The following MAST4 variants were observed in gnomAD, a reference collection of about 807,000 sequenced individuals.
The protein encoded by MAST4 is microtubule-associated serine/threonine-protein kinase 4.
A neutral mutation model predicts 162.7 loss-of-function variants in MAST4; 89 were observed. The ratio of observed to expected loss-of-function variants is 0.55; its 90% CI spans 0.46 to 0.65. The LOEUF is 0.65. Among genes scored for constraint, MAST4 ranks in the 30% least tolerant of loss-of-function variants. MAST4 has a pLI of 0.00. For synonymous variants in MAST4, 1,479 were observed against 1,361.1 expected, an observed-to-expected ratio of 1.09 and a Z score of -1.91; for missense variants, 3,153 against 3,374.0, an observed-to-expected ratio of 0.93 and a Z score of 1.62.
intron 4 of MAST4, among the ~76,000 whole-genome samples, chr5:66,993,921 C>CA (rs1750319958): frequency 1.3e-3 from 2 of 1,544 alleles, no homozygotes; most frequent in African/African-American, 1.7e-3. Flanking sequence ...GTGCAGAAGA[C>CA]CCCCCCCCCC....
In MAST4 at chr5:66,596,724, TC is replaced by T; in HGVS notation, c.71del (p.Pro24GlnfsTer126). On this transcript the variant is annotated frameshift_variant, in exon 1 of 29. Coordinates refer to ENST00000403625, the MANE Select transcript of MAST4 (RefSeq NM_001164664.2). LOFTEE classifies it high-confidence loss of function. The part of the protein sequence containing the change: ...RGCSGHGSRT[P>X]ASALVAASSP... ...GCTGCAGTGGCCACGGCAGCCGGAC[TC>T]CAGCCTCTGCGCTGGTCGCCGCGTC... 7.0e-7 allele frequency: 1 copy of T among 1,432,750 alleles called. No individual in the cohort carries two copies. The highest frequency in any genetic ancestry group is 9.1e-7 in the Non-Finnish European group (1 of 1,093,818). 88.8% of individuals were successfully genotyped at this position (1,432,750 alleles called of 1,614,324 possible).
chr5:66,943,350 T>C (rs1743584506), intron 4 of MAST4, among the ~76,000 whole-genome samples: 1 of 152,226 alleles, frequency 6.6e-6, no homozygotes, highest in African/African-American at 2.4e-5. Flanking sequence ...CTAGCAAAAA[T>C]GCATGTTCTC....
At chr5:66,652,066 G>T (rs1746259689) in intron 1 of MAST4, among the ~76,000 whole-genome samples, 1 of 152,216 alleles carries the variant, frequency 6.6e-6, no homozygotes, top group African/African-American at 2.4e-5. Context: ...AATCTGAGGA[G>T]GTGGTGATTA....
In MAST4 at chr5:67,014,874, T is replaced by C. The variant is rs141253941; in HGVS notation, c.675-39530T>C. ...GAGGAAGCTCTTTAATCAAGAGCAA[T>C]TGTGGTTTTTCTTACCTTTTGAGAT... On this transcript the variant is annotated intron_variant, in intron 4 of 28. Coordinates refer to ENST00000403625, the MANE Select transcript of MAST4 (RefSeq NM_001164664.2). Among the ~76,000 whole-genome samples, 212 of 152,356 alleles carry C rather than the reference T, an allele frequency of 1.4e-3. 5 individuals carry two copies. The highest frequency in any genetic ancestry group is 5.0e-3 in the African/African-American group (206 of 41,592).
At chr5:66,605,237 CAAG>C (rs1436729118) in intron 1 of MAST4, among the ~76,000 whole-genome samples, 1 of 152,032 alleles carries the variant, frequency 6.6e-6, no homozygotes, top group Non-Finnish European at 1.5e-5. Context: ...TAGATGCAGC[CAAG>C]AAGAGGAGGG....
At chr5:66,833,407 C>T (rs577503739) in intron 3 of MAST4, among the ~76,000 whole-genome samples, 191 of 152,310 alleles carry the variant, frequency 1.3e-3, no homozygotes, top group African/African-American at 4.3e-3. Flanking sequence ...ATCTCCTATT[C>T]ATCCTGCTTT....
chr5:67,050,672 A>G (rs1758063399), intron 4 of MAST4, among the ~76,000 whole-genome samples: 1 of 152,160 alleles, frequency 6.6e-6, no homozygotes, highest in Non-Finnish European at 1.5e-5. Context: ...TGTTTATGCC[A>G]TTGTCTCAAG....
chr5:66,893,242 T>G (rs1452040218), intron 3 of MAST4, among the ~76,000 whole-genome samples: 1 of 152,144 alleles, frequency 6.6e-6, no homozygotes, highest in East Asian at 1.9e-4. Context: ...GTCTTGCTCT[T>G]TAGCCCAGGC....
At chr5:66,716,990 A>G (rs1750882721) in intron 1 of MAST4, among the ~76,000 whole-genome samples, 1 of 152,180 alleles carries the variant, frequency 6.6e-6, no homozygotes, top group African/African-American at 2.4e-5. Flanking sequence ...TTCTCCCTCA[A>G]GGAGCTCATT....
At chr5:66,798,253 A>G (rs1755749499) in intron 3 of MAST4, among the ~76,000 whole-genome samples, 1 of 152,184 alleles carries the variant, frequency 6.6e-6, no homozygotes, top group Non-Finnish European at 1.5e-5. Context: ...GTAATGTCCA[A>G]TTTAGTTACT....
intron 3 of MAST4, among the ~76,000 whole-genome samples, chr5:66,803,340 G>A (rs1756015146): frequency 1.3e-5 from 2 of 152,114 alleles, no homozygotes; most frequent in Admixed American, 6.5e-5. Flanking sequence ...CTCATGCCAT[G>A]GTTGTTCTTC....
intron 2 of MAST4, among the ~76,000 whole-genome samples, chr5:66,784,496 C>T (rs1755020583): frequency 1.3e-5 from 2 of 152,030 alleles, no homozygotes; most frequent in Non-Finnish European, 2.9e-5. Context: ...CCTGTTATTC[C>T]CTGCTGGTAA....
At chr5:67,019,817 G>A (rs530824275) in intron 4 of MAST4, among the ~76,000 whole-genome samples, 4 of 152,216 alleles carry the variant, frequency 2.6e-5, no homozygotes, top group Non-Finnish European at 4.4e-5. Context: ...ATATAGAGTC[G>A]TATGTTGAAA....
chr5:66,738,486 G>T (rs1752280077), intron 1 of MAST4, among the ~76,000 whole-genome samples: 1 of 152,166 alleles, frequency 6.6e-6, no homozygotes, highest in Non-Finnish European at 1.5e-5. Flanking sequence ...CCCTCTTCTA[G>T]CCTCTGGGGA....
intron 2 of MAST4, among the ~76,000 whole-genome samples, chr5:66,772,231 C>T (rs1561320198): frequency 6.6e-6 from 1 of 152,096 alleles, no homozygotes; most frequent in Non-Finnish European, 1.5e-5. Context: ...GGTACCATTT[C>T]ACACAACACT....
At chr5:66,959,992 T>C (rs927028040) in intron 4 of MAST4, among the ~76,000 whole-genome samples, 7 of 152,212 alleles carry the variant, frequency 4.6e-5, no homozygotes, top group African/African-American at 1.7e-4. Context: ...AAATTTTTAT[T>C]TTAAATCTGT....
At chr5:67,054,302 G>A (rs1758536078) in intron 4 of MAST4, 102 bp from the exon 5 acceptor site, 4 of 811,584 alleles carry the variant, frequency 4.9e-6, no homozygotes, top group Admixed American at 3.0e-5. Context: ...AATAACATGA[G>A]CAGATAGGTT....
chr5:67,078,924 A>AAATATATT (rs1561622291), intron 5 of MAST4, among the ~76,000 whole-genome samples: 11 of 78,676 alleles, frequency 1.4e-4, no homozygotes, highest in African/African-American at 4.2e-4. Flanking sequence ...ATATATATAT[A>AAATATATT]TATATATATA....
intron 3 of MAST4, among the ~76,000 whole-genome samples, chr5:66,824,371 T>C (rs947552493): frequency 6.6e-6 from 1 of 152,184 alleles, no homozygotes; most frequent in Non-Finnish European, 1.5e-5. Flanking sequence ...TTCTGGCTAG[T>C]GTGGCGGGAG....
Sources: allele counts gnomAD v4.1 joint callset (sites outside exome capture counted in the v4.1 genomes callset), GRCh38; gene constraint gnomAD v4.1.1; transcripts MANE v1.5; gene names NCBI Gene and HGNC (gene_info 2026-07-23, HGNC 2026-07-21).